The following GALNT18 variants were observed in gnomAD, a reference collection of about 807,000 sequenced individuals.
GALNT18 encodes GalNAc-transferase 18.
Under a neutral mutation model 69.5 loss-of-function variants are expected in GALNT18, and 44 were observed. The ratio of observed to expected loss-of-function variants is 0.63; its 90% CI spans 0.50 to 0.81. The LOEUF is 0.81. Ranked by LOEUF, GALNT18 falls within the 40% of genes least tolerant of loss-of-function variation. The pLI, the probability that GALNT18 is intolerant of heterozygous loss-of-function variation, is 0.00. For synonymous variants in GALNT18, 364 were observed against 318.2 expected, an observed-to-expected ratio of 1.14 and a Z score of -1.53; for missense variants, 715 against 810.0, an observed-to-expected ratio of 0.88 and a Z score of 1.42.
chr11:11,596,836 A>C lies in GALNT18; in HGVS notation c.235+24523T>G, dbSNP rs1859511219. On this transcript the variant is annotated intron_variant, in intron 1 of 10. Transcript: ENST00000227756. The surrounding 1 kb of genome is among the most constrained non-coding windows in gnomAD (Gnocchi z 4.2). ...TTTAAAACATCTGGTATAATATTAAATAGGCGTGATGACAGCAGATATGCT... is the reference window on the plus strand; with the variant it reads ...TTTAAAACATCTGGTATAATATTAACTAGGCGTGATGACAGCAGATATGCT... 6.6e-6 allele frequency among the ~76,000 whole-genome samples: 1 copy of C among 152,186 alleles called. No homozygotes were observed.
At chr11:11,381,884 C>T (rs1853929798) in intron 3 of GALNT18, among the ~76,000 whole-genome samples, 1 of 152,200 alleles carries the variant, frequency 6.6e-6, no homozygotes, top group Non-Finnish European at 1.5e-5. Context: ...CTGATTCACA[C>T]CATAACTTCT....
intron 1 of GALNT18, among the ~76,000 whole-genome samples, chr11:11,489,919 C>G (rs968573936): frequency 5.3e-5 from 8 of 152,166 alleles, no homozygotes; most frequent in African/African-American, 1.2e-4. Context: ...GAGTCTGGCT[C>G]TAGCCTCAGG....
intron 9 of GALNT18, among the ~76,000 whole-genome samples, chr11:11,325,761 G>T (rs1164490353): frequency 6.6e-6 from 1 of 152,100 alleles, no homozygotes; most frequent in Admixed American, 6.5e-5. Context: ...CCACACCATT[G>T]TTAACAATGA....
At chr11:11,310,670 G>A in intron 9 of GALNT18, among the ~76,000 whole-genome samples, 1 of 152,126 alleles carries the variant, frequency 6.6e-6, no homozygotes, top group Middle Eastern at 3.2e-3. Context: ...GATTTAGAGG[G>A]CCCAGCTCTG....
In GALNT18 at chr11:11,541,647, C is replaced by T. The variant is rs2133956127; in HGVS notation, c.235+79712G>A. ...CTGCCTTCAGATCTGATATCCAAGG[C>T]TCCCTCTCAAGGGCCTCATGCTAGT... On this transcript the variant is annotated intron_variant, in intron 1 of 10. Coordinates refer to ENST00000227756, the MANE Select transcript of GALNT18 (RefSeq NM_198516.3). This position sits in a 1 kb window ranked among gnomAD's most constrained non-coding sequence, Gnocchi z 4.8. Among the ~76,000 whole-genome samples, 1 of 152,292 alleles carries T rather than the reference C, an allele frequency of 6.6e-6. No individual in the cohort carries two copies. Among genetic ancestry groups the T allele is most frequent in the Admixed American group, 6.5e-5 (1 of 15,302 alleles).
intron 1 of GALNT18, among the ~76,000 whole-genome samples, chr11:11,472,758 A>G (rs1856300456): frequency 6.6e-6 from 1 of 152,212 alleles, no homozygotes; most frequent in Admixed American, 6.5e-5. Context: ...TCATTTTCAG[A>G]ATAAACCATG....
In GALNT18 at chr11:11,377,871, G is replaced by A. The variant is rs1295492708; in HGVS notation, c.780-492C>T. 6.6e-6 allele frequency among the ~76,000 whole-genome samples: 1 copy of A among 152,116 alleles called. No homozygotes were observed. Among genetic ancestry groups the A allele is most frequent in the Admixed American group, 6.5e-5 (1 of 15,278 alleles). On this transcript the variant is annotated intron_variant, in intron 4 of 10. Transcript: ENST00000227756. The surrounding 1 kb of genome is among the most constrained non-coding windows in gnomAD (Gnocchi z 4.6). ...CAGCCATGCGATGTTGCCCTGGAAT[G>A]CCAGCTGTGCCACATCCACCCCCCA...
At chr11:11,424,450 G>A (rs1206764742) in intron 3 of GALNT18, among the ~76,000 whole-genome samples, 1 of 152,206 alleles carries the variant, frequency 6.6e-6, no homozygotes, top group Non-Finnish European at 1.5e-5. Context: ...TAGACCCTCT[G>A]AGACTTAGCT....
chr11:11,275,230 C>A (rs151216447), intron 10 of GALNT18, among the ~76,000 whole-genome samples: 1 of 152,138 alleles, frequency 6.6e-6, no homozygotes, highest in Admixed American at 6.5e-5. Flanking sequence ...TTTTAATGAT[C>A]GCCATTCTAA....
chr11:11,442,335 C>T (rs1855547560), intron 2 of GALNT18, among the ~76,000 whole-genome samples: 1 of 152,206 alleles, frequency 6.6e-6, no homozygotes, highest in Admixed American at 6.5e-5. Flanking sequence ...TTAAAGCCAT[C>T]TGATCAGCAA....
At position 11,555,589 on chromosome 11, in the gene GALNT18, T is replaced by C. The variant is rs1271894611; in HGVS notation, c.235+65770A>G. ...ACTATGAGAGAATAAATTCCTGTTG[T>C]TTTAAGCCACCCACTTTATTACAGA... On this transcript the variant is annotated intron_variant, in intron 1 of 10. Transcript: ENST00000227756. This position sits in a 1 kb window ranked among gnomAD's most constrained non-coding sequence, Gnocchi z 4.7. Among the ~76,000 whole-genome samples the C allele has an allele frequency of 6.6e-6, 1 of 152,196 alleles. No individual in the cohort carries two copies. The highest frequency in any genetic ancestry group is 1.5e-5 in the Non-Finnish European group (1 of 68,030).
intron 1 of GALNT18, among the ~76,000 whole-genome samples, chr11:11,453,645 G>T (rs1009606654): frequency 6.6e-6 from 1 of 152,116 alleles, no homozygotes; most frequent in African/African-American, 2.4e-5. Context: ...ACTGAATCAT[G>T]GGGGCAAGTC....
rs955892672 is a variant in GALNT18 at position 11,436,687 on chromosome 11, T to G, written c.429-3900A>C. Among the ~76,000 whole-genome samples, 3 of 152,228 alleles carry G rather than the reference T, an allele frequency of 2.0e-5. No individual in the cohort carries two copies. The highest frequency in any genetic ancestry group is 4.4e-5 in the Non-Finnish European group (3 of 68,044). ...CTCAACACTGAAGCAGAATGTACAT[T>G]GCTGAAGGGCAGGGGCAAAAAGAGG... On this transcript the variant is annotated intron_variant, in intron 2 of 10. Coordinates refer to ENST00000227756, the MANE Select transcript of GALNT18 (RefSeq NM_198516.3). The surrounding 1 kb of genome is among the most constrained non-coding windows in gnomAD (Gnocchi z 4.5).
rs564211658 is a variant in GALNT18, at chr11:11,392,223, C to A, written c.596-12959G>T. Among the ~76,000 whole-genome samples the A allele has an allele frequency of 2.0e-5, 3 of 152,326 alleles. No homozygotes were observed. The East Asian group carries it at 5.8e-4, about 29-fold the overall frequency. On this transcript the variant is annotated intron_variant, in intron 3 of 10. Coordinates refer to ENST00000227756, the MANE Select transcript of GALNT18 (RefSeq NM_198516.3). ...GCATTCAGTAGAGGTTTATTGACTA[C>A]ATGGATTCATGGCACATGGGACAGA...
chr11:11,310,524 C>T (rs970228101), intron 9 of GALNT18, among the ~76,000 whole-genome samples: 1 of 152,116 alleles, frequency 6.6e-6, no homozygotes, highest in Admixed American at 6.5e-5. Context: ...AGTCCTTTTT[C>T]CTGCAGAAAA....
intron 1 of GALNT18, among the ~76,000 whole-genome samples, chr11:11,502,263 CAGT>C (rs1437666809): frequency 6.6e-6 from 1 of 152,212 alleles, no homozygotes; most frequent in Non-Finnish European, 1.5e-5. Flanking sequence ...CTTAAACCAA[CAGT>C]ACCTGCCTCT....
Position 11,402,770 on chromosome 11 carries a change from G to A in GALNT18, c.596-23506C>T, listed in dbSNP as rs576909585. On this transcript the variant is annotated intron_variant, in intron 3 of 10. Transcript: ENST00000227756. The surrounding 1 kb of genome is among the most constrained non-coding windows in gnomAD (Gnocchi z 4.0). ...CCTTGCAGCTGCGGGTAAGAACAGC[G>A]TCTGCAGGAGGGAAATAGGAAGATA... Among the ~76,000 whole-genome samples the A allele has an allele frequency of 9.8e-5, 15 of 152,328 alleles. No individual in the cohort carries two copies. Among genetic ancestry groups the A allele is most frequent in the African/African-American group, 2.2e-4 (9 of 41,568 alleles).
rs191844567 is a variant in GALNT18, at chr11:11,518,034, G to A, written c.236-69098C>T. Among the ~76,000 whole-genome samples, 59 of 152,344 alleles carry A rather than the reference G, an allele frequency of 3.9e-4. No individual in the cohort carries two copies. The Middle Eastern group carries it at 0.01, about 26-fold the overall frequency. The stretch of plus-strand genomic sequence containing the variant: ...TAAAACGTTCTGTCCCAAAGGTAGA[G>A]CTGTCATCCTCCAGCAGTCTCCAAG... On this transcript the variant is annotated intron_variant, in intron 1 of 10. Coordinates refer to ENST00000227756, the MANE Select transcript of GALNT18 (RefSeq NM_198516.3).
chr11:11,321,785 A>G (rs1264818419), intron 9 of GALNT18, among the ~76,000 whole-genome samples: 2 of 152,158 alleles, frequency 1.3e-5, no homozygotes, highest in Non-Finnish European at 2.9e-5. Flanking sequence ...TTATATTTTT[A>G]GTAGAGACAG....
Sources: gnomAD v4.1 joint callset for allele counts (sites outside exome capture counted in the v4.1 genomes callset) on GRCh38, gnomAD v4.1.1 for gene constraint, Gnocchi (gnomAD v3.1) non-coding constraint, MANE v1.5 for transcripts, NCBI Gene and HGNC (gene_info 2026-07-23, HGNC 2026-07-21) for gene names.